CNTNAP2: variants seen among roughly 807,000 people sequenced by gnomAD.
CNTNAP2 encodes contactin associated protein 2, also known as contactin-associated protein-like 2.
A neutral mutation model predicts 155.2 loss-of-function variants in CNTNAP2; 98 were observed. The ratio of observed to expected loss-of-function variants is 0.63; its 90% confidence interval spans 0.54 to 0.75. The LOEUF is 0.75. CNTNAP2 is among the 30% of genes least tolerant of loss of function. The probability of loss-of-function intolerance (pLI) is 0.00; values close to 1 mark genes in which losing one functional copy is unlikely to be tolerated. For missense variants in CNTNAP2, 1,727 were observed against 1,688.1 expected (o/e 1.02, Z -0.40); for synonymous variants, 651 against 631.2 (o/e 1.03, Z -0.47).
At chr7:147,795,333 C>A (rs899560774) in intron 13 of CNTNAP2, among the ~76,000 whole-genome samples, 1 of 151,910 alleles carries the variant, frequency 6.6e-6, no homozygotes, top group Non-Finnish European at 1.5e-5. Flanking sequence ...AATCTATTCA[C>A]TTTTAATGTT....
chr7:148,039,715 C>T (rs1305591013), intron 15 of CNTNAP2, among the ~76,000 whole-genome samples: 1 of 152,154 alleles, frequency 6.6e-6, no homozygotes, highest in African/African-American at 2.4e-5. Flanking sequence ...ATATTCATGT[C>T]ACTTCTTGAG....
intron 3 of CNTNAP2, among the ~76,000 whole-genome samples, chr7:146,910,553 G>GT (rs1219805045): frequency 2.0e-5 from 3 of 151,284 alleles, no homozygotes; most frequent in Non-Finnish European, 4.4e-5. Flanking sequence ...AAGCATTGGG[G>GT]AAAGGATTCC....
intron 1 of CNTNAP2, among the ~76,000 whole-genome samples, chr7:146,553,909 A>AGTG (rs1798157836): frequency 6.6e-6 from 1 of 152,162 alleles, no homozygotes; most frequent in Non-Finnish European, 1.5e-5. Flanking sequence ...TGAATATAAA[A>AGTG]TGATGTGATT....
At chr7:148,114,379 A>G (rs1161007401) in intron 15 of CNTNAP2, among the ~76,000 whole-genome samples, 1 of 152,222 alleles carries the variant, frequency 6.6e-6, no homozygotes, top group African/African-American at 2.4e-5. Context: ...GTGAAAATGG[A>G]TATAAATGAG....
chr7:147,286,943 C>T (rs1171720324), intron 8 of CNTNAP2, among the ~76,000 whole-genome samples: 1 of 152,024 alleles, frequency 6.6e-6, no homozygotes, highest in African/African-American at 2.4e-5. Context: ...CTTCACATCA[C>T]ATTCTCCTAT....
intron 14 of CNTNAP2, among the ~76,000 whole-genome samples, chr7:147,956,339 A>G (rs889475087): frequency 6.6e-6 from 1 of 151,706 alleles, no homozygotes; most frequent in African/African-American, 2.4e-5. Flanking sequence ...AAGCACATCA[A>G]TCGAACTGTT....
chr7:146,422,493 C>T (rs1339778345), intron 1 of CNTNAP2, among the ~76,000 whole-genome samples: 2 of 150,782 alleles, frequency 1.3e-5, no homozygotes, highest in South Asian at 2.1e-4. Context: ...TGGAAGACCA[C>T]TTTTTTTTTC....
At chr7:146,413,738 T>A (rs1795898747) in intron 1 of CNTNAP2, among the ~76,000 whole-genome samples, 1 of 152,208 alleles carries the variant, frequency 6.6e-6, no homozygotes, top group African/African-American at 2.4e-5. Context: ...ACTACTCAAA[T>A]GAATTACACT....
chr7:147,756,153 T>C (rs1186322338), intron 13 of CNTNAP2, among the ~76,000 whole-genome samples: 1 of 152,248 alleles, frequency 6.6e-6, no homozygotes, highest in Non-Finnish European at 1.5e-5. Context: ...TCAAGAATTT[T>C]GTTCTGAAAT....
intron 12 of CNTNAP2, among the ~76,000 whole-genome samples, chr7:147,632,373 G>A (rs1169331157): frequency 1.3e-5 from 2 of 152,152 alleles, no homozygotes; most frequent in Non-Finnish European, 2.9e-5. Flanking sequence ...GGAGGGACCA[G>A]GTAGAGATAA....
At chr7:147,997,102 C>T (rs1801816543) in intron 15 of CNTNAP2, among the ~76,000 whole-genome samples, 1 of 152,220 alleles carries the variant, frequency 6.6e-6, no homozygotes, top group East Asian at 1.9e-4. Context: ...CTGCCTTAAT[C>T]TTGGACTTCC....
In CNTNAP2 at chr7:146,890,727, T is replaced by G. The variant is rs79285334; in HGVS notation, c.402+50823T>G. Reference sequence around the variant, plus strand: ...TATACAAGTAAATGCAAATTTTCTTTAGGCTTTTAAACATTTTGAAAATGA... The same window carrying G: ...TATACAAGTAAATGCAAATTTTCTTGAGGCTTTTAAACATTTTGAAAATGA... On this transcript the variant is annotated intron_variant, in intron 3 of 23. Coordinates refer to ENST00000361727, the MANE Select transcript of CNTNAP2 (RefSeq NM_014141.6). Among the ~76,000 whole-genome samples, 114 of 152,328 alleles carry G rather than the reference T, an allele frequency of 7.5e-4. 1 individual carries two copies. The East Asian group carries it at 0.021, about 28-fold the overall frequency.
chr7:146,399,883 G>T (rs919134212), intron 1 of CNTNAP2, among the ~76,000 whole-genome samples: 2 of 152,082 alleles, frequency 1.3e-5, no homozygotes, highest in African/African-American at 2.4e-5. Flanking sequence ...ACTAAGAAGA[G>T]AAATAAATTT....
chr7:147,834,751 A>G (rs751658319), intron 13 of CNTNAP2, among the ~76,000 whole-genome samples: 2 of 152,170 alleles, frequency 1.3e-5, no homozygotes, highest in Non-Finnish European at 2.9e-5. Flanking sequence ...TTTTGTCATA[A>G]ATAAATACAG....
chr7:147,009,328 A>G (rs1184212026), intron 3 of CNTNAP2, among the ~76,000 whole-genome samples: 2 of 152,096 alleles, frequency 1.3e-5, no homozygotes, highest in Non-Finnish European at 2.9e-5. Context: ...TAAAAACCTA[A>G]TGTCTGATTG....
At chr7:148,149,513 T>C (rs1805257899) in intron 17 of CNTNAP2, among the ~76,000 whole-genome samples, 1 of 152,012 alleles carries the variant, frequency 6.6e-6, no homozygotes, top group African/African-American at 2.4e-5. Context: ...GCAAATAATA[T>C]CAAGCACCAT....
chr7:146,686,864 C>T (rs749814381), intron 1 of CNTNAP2, among the ~76,000 whole-genome samples: 9 of 152,224 alleles, frequency 5.9e-5, no homozygotes, highest in Middle Eastern at 3.4e-3. Context: ...CAATGTTTGT[C>T]GTAACATAGG....
intron 13 of CNTNAP2, among the ~76,000 whole-genome samples, chr7:147,890,774 T>C (rs1799675888): frequency 6.6e-6 from 1 of 151,988 alleles, no homozygotes; most frequent in African/African-American, 2.4e-5. Context: ...AATTAGAGAG[T>C]TGAATGGTGG....
Position 147,315,427 on chromosome 7 carries a change from G to A in CNTNAP2, c.1498+15137G>A, listed in dbSNP as rs878920427. On this transcript the variant is annotated intron_variant, in intron 9 of 23. Coordinates refer to ENST00000361727, the MANE Select transcript of CNTNAP2 (RefSeq NM_014141.6). ...AAAACCCCAAATCGTAGGCAACCAC[G>A]GCAACCACGAATCTACTACTTCCTG... Among the ~76,000 whole-genome samples the A allele has an allele frequency of 7.7e-4, 115 of 149,506 alleles. 3 individuals carry two copies. Among genetic ancestry groups the A allele is most frequent in the Admixed American group, 6.0e-3 (90 of 15,040 alleles).
Sources: allele counts gnomAD v4.1 joint callset (sites outside exome capture counted in the v4.1 genomes callset), GRCh38; gene constraint gnomAD v4.1.1; transcripts MANE v1.5; gene names NCBI Gene and HGNC (gene_info 2026-07-23, HGNC 2026-07-21).